Variants in PCCB observed in about 807,000 individuals in gnomAD.
PCCB encodes propionyl-CoA carboxylase beta chain, mitochondrial.
PCCB carries 43 observed loss-of-function variants against 60.7 expected under a neutral mutation model. That is an observed-to-expected ratio of 0.71 (90% CI 0.55 to 0.91). PCCB has a LOEUF of 0.91. Among genes scored for constraint, PCCB ranks in the 40% least tolerant of loss-of-function variants. The pLI is 0.00. For synonymous variants in PCCB, 276 were observed against 255.9 expected, an observed-to-expected ratio of 1.08 and a Z score of -0.75; for missense variants, 766 against 702.8, an observed-to-expected ratio of 1.09 and a Z score of -1.02.
At chr3:136,326,080 G>A (rs1397395138) in intron 10 of PCCB, among the ~76,000 whole-genome samples, 1 of 152,146 alleles carries the variant, frequency 6.6e-6, no homozygotes, top group Non-Finnish European at 1.5e-5. Flanking sequence ...CCAAAGTGCT[G>A]GGATTACGGT....
At chr3:136,326,289 A>G (rs1232696099) in intron 10 of PCCB, 1 of 700,672 alleles carries the variant, frequency 1.4e-6, no homozygotes, top group Non-Finnish European at 2.6e-6. Flanking sequence ...GGGGAGATTT[A>G]CTAGTAATTG....
chr3:136,256,107 T>A (rs929903518), intron 2 of PCCB, 132 bp downstream of exon 2: 2 of 1,358,424 alleles, frequency 1.5e-6, no homozygotes, highest in African/African-American at 2.9e-5. Flanking sequence ...CAAGCCCAGA[T>A]AATTTTTGTA....
chr3:136,252,374 G>A, intron 1 of PCCB: 3 of 454,284 alleles, frequency 6.6e-6, no homozygotes, highest in Non-Finnish European at 4.4e-6. Flanking sequence ...AGCCTCCAGA[G>A]TACCTGGGGT....
intron 1 of PCCB, among the ~76,000 whole-genome samples, chr3:136,253,096 T>TTG (rs1295552336): frequency 7.1e-6 from 1 of 141,822 alleles, no homozygotes; most frequent in South Asian, 2.3e-4. Context: ...TTTTTTTTTT[T>TTG]TTTTTTTTTT....
At chr3:136,299,932 A>G (rs1370487606) in intron 8 of PCCB, among the ~76,000 whole-genome samples, 1 of 151,924 alleles carries the variant, frequency 6.6e-6, no homozygotes, top group Non-Finnish European at 1.5e-5. Flanking sequence ...GCATATGTAT[A>G]TGTATACGCA....
chr3:136,324,552 T>A (rs533201324), intron 10 of PCCB, among the ~76,000 whole-genome samples: 25 of 152,280 alleles, frequency 1.6e-4, no homozygotes, highest in Admixed American at 1.0e-3. Flanking sequence ...ATTCTCCCTA[T>A]TCACGGGTGC....
chr3:136,259,041 C>T (rs1457163917), intron 3 of PCCB: 2 of 702,966 alleles, frequency 2.8e-6, no homozygotes, highest in Non-Finnish European at 4.0e-6. Context: ...TAATTCCTAA[C>T]TGTCTTTTTG....
Position 136,289,657 on chromosome 3 carries a change from T to C in PCCB, c.655-4099T>C, listed in dbSNP as rs563633256. 7.2e-5 allele frequency among the ~76,000 whole-genome samples: 11 copies of C among 152,306 alleles called. No homozygotes were observed. The South Asian group carries it at 2.3e-3, about 32-fold the overall frequency. On this transcript the variant is annotated intron_variant, in intron 6 of 14. Transcript: ENST00000251654. ...GAGATTGTTGGTATAGTTGGATTAGTATCTACCATATTTGTTACTGTTTTC... is the reference window on the plus strand; with the variant it reads ...GAGATTGTTGGTATAGTTGGATTAGCATCTACCATATTTGTTACTGTTTTC...
At chr3:136,310,158 G>A (rs1934605634) in intron 9 of PCCB, among the ~76,000 whole-genome samples, 1 of 152,152 alleles carries the variant, frequency 6.6e-6, no homozygotes, top group African/African-American at 2.4e-5. Context: ...GAGGTCGGGA[G>A]TTCGAGACCA....
rs1412931581 is a variant in PCCB, at chr3:136,306,828, CTG to C, written c.966+5719_966+5720del. Among the ~76,000 whole-genome samples, 6 of 122,382 alleles carry C rather than the reference CTG, an allele frequency of 4.9e-5. 1 individual carries two copies. Among genetic ancestry groups the C allele is most frequent in the African/African-American group, 1.5e-4 (6 of 40,122 alleles). 80.3% of individuals were successfully genotyped at this position (122,382 alleles called of 152,430 possible). A position where few individuals can be genotyped will look rare whatever the true frequency, so the allele number is the denominator to read the frequency against. On this transcript the variant is annotated intron_variant, in intron 9 of 14. Transcript: ENST00000251654. ...AGTAGAACAGACTTAATATTTAAAACTGTAATCCAAGAAAATAGTCCAGAAAT... is the reference window on the plus strand; with the variant it reads ...AGTAGAACAGACTTAATATTTAAAACTAATCCAAGAAAATAGTCCAGAAAT...
At chr3:136,300,925 C>T in intron 8 of PCCB, 105 bp from the exon 9 acceptor site, 3 of 797,334 alleles carry the variant, frequency 3.8e-6, no homozygotes, top group Non-Finnish European at 6.7e-6. Flanking sequence ...ACAGAACTGG[C>T]CCAGTCCCTA....
At chr3:136,262,955 T>G (rs1179693362) in intron 5 of PCCB, among the ~76,000 whole-genome samples, 9 of 53,852 alleles carry the variant, frequency 1.7e-4, no homozygotes, top group Non-Finnish European at 1.9e-4. Context: ...CTGGAGGAGG[T>G]TTTTTTTTTT....
intron 6 of PCCB, among the ~76,000 whole-genome samples, chr3:136,287,520 C>T (rs1257603287): frequency 3.9e-5 from 6 of 151,900 alleles, no homozygotes; most frequent in African/African-American, 1.5e-4. Flanking sequence ...GGAACCTTTG[C>T]CTCCTCGGTT....
intron 9 of PCCB, among the ~76,000 whole-genome samples, chr3:136,301,440 T>C (rs1934276532): frequency 6.6e-6 from 1 of 152,044 alleles, no homozygotes. Context: ...AGAGTGATCA[T>C]TGTTAAGTAT....
chr3:136,312,743 G>C (rs1934718089), intron 9 of PCCB, among the ~76,000 whole-genome samples: 1 of 152,138 alleles, frequency 6.6e-6, no homozygotes, highest in African/African-American at 2.4e-5. Context: ...TTCAGTGAAA[G>C]ATAGACAAAG....
rs1198214990 is a variant in PCCB at position 136,250,533 on chromosome 3, G to A, written c.158G>A (p.Arg53His). 25 of 1,612,636 alleles carry A rather than the reference G, an allele frequency of 1.6e-5. No individual in the cohort carries two copies. Among genetic ancestry groups the A allele is most frequent in the Non-Finnish European group, 2.1e-5 (25 of 1,179,722 alleles). The change falls in exon 1 of 15, where the codon CGC (arginine) becomes CAC (histidine). Residue 53 changes from arginine (R) to histidine (H), a missense_variant. Coordinates refer to ENST00000251654, the MANE Select transcript of PCCB (RefSeq NM_000532.5). ...ACCGCGCTGCTGGGAGGGGGCCAAC[G>A]CCGTATTGACGCGCAGCACAAGCGA... is the stretch of plus-strand genomic sequence containing the variant. ...RRTALLGGGQ[R>H]RIDAQHKRGK...
chr3:136,256,762 C>T (rs758149468), intron 3 of PCCB, 139 bp downstream of exon 3: 27 of 715,212 alleles, frequency 3.8e-5, no homozygotes, highest in Non-Finnish European at 5.4e-5. Flanking sequence ...CTTTTCAGTG[C>T]GTGTTTCCAG....
At position 136,317,023 on chromosome 3, in the gene PCCB, G is replaced by C. The variant is rs1406431400; in HGVS notation, c.1049G>C (p.Arg350Thr). The C allele has an allele frequency of 6.2e-7, 1 of 1,613,814 alleles. No individual in the cohort carries two copies. The highest frequency in any genetic ancestry group is 8.5e-7 in the Non-Finnish European group (1 of 1,179,982). Residue 350 changes from arginine to threonine, a missense_variant, in exon 10 of 15, where the codon AGG becomes ACG. Coordinates refer to ENST00000251654, the MANE Select transcript of PCCB (RefSeq NM_000532.5). ...IIVGFARMNG[R>T]TVGIVGNQPK... ...GTTGGTTTTGCAAGAATGAATGGGAGGACTGTTGGAATTGTTGGCAACCAA... is the reference window on the plus strand; with the variant it reads ...GTTGGTTTTGCAAGAATGAATGGGACGACTGTTGGAATTGTTGGCAACCAA...
At position 136,250,565 on chromosome 3, in the gene PCCB, C is replaced by G. The variant is rs1039491317; in HGVS notation, c.183+7C>G. On this transcript the variant is annotated splice_region_variant and intron_variant, in intron 1 of 14. Coordinates refer to ENST00000251654, the MANE Select transcript of PCCB (RefSeq NM_000532.5). Reference sequence around the variant, plus strand: ...TGACGCGCAGCACAAGCGAGTGAGTCCTGAGGGGCCTAAGTGAGTCCCGCC... The same window carrying G: ...TGACGCGCAGCACAAGCGAGTGAGTGCTGAGGGGCCTAAGTGAGTCCCGCC... 2.2e-5 allele frequency: 35 copies of G among 1,609,090 alleles called. No individual in the cohort carries two copies. Among genetic ancestry groups the G allele is most frequent in the Non-Finnish European group, 2.9e-5 (34 of 1,177,988 alleles).
Sources: gnomAD v4.1 joint callset for allele counts (sites outside exome capture counted in the v4.1 genomes callset) on GRCh38, gnomAD v4.1.1 for gene constraint, MANE v1.5 for transcripts, NCBI Gene and HGNC (gene_info 2026-07-23, HGNC 2026-07-21) for gene names.